EEFSEC: variants seen among roughly 807,000 people sequenced by gnomAD.
EEFSEC encodes eukaryotic elongation factor, selenocysteine-tRNA specific.
In EEFSEC, 43 loss-of-function variants were observed where a neutral mutation model predicts 42.1. The observed-to-expected ratio is 1.02, with a 90% confidence interval of 0.80 to 1.32. EEFSEC has a LOEUF of 1.32. Among genes scored for constraint, EEFSEC ranks in the 40% most tolerant of loss-of-function variants. The probability of loss-of-function intolerance (pLI) is 0.00; values close to 1 mark genes in which losing one functional copy is unlikely to be tolerated. For synonymous variants in EEFSEC, 354 were observed against 339.1 expected (o/e 1.04, Z -0.48); for missense variants, 745 against 803.6 (o/e 0.93, Z 0.88).
intron 4 of EEFSEC, among the ~76,000 whole-genome samples, chr3:128,328,084 C>T (rs1167972242): frequency 6.6e-6 from 1 of 152,204 alleles, no homozygotes; most frequent in African/African-American, 2.4e-5. Flanking sequence ...TCAATTTTCA[C>T]AGAATCCCTG....
intron 2 of EEFSEC, among the ~76,000 whole-genome samples, chr3:128,259,751 A>G (rs2066279219): frequency 6.6e-6 from 1 of 152,096 alleles, no homozygotes; most frequent in South Asian, 2.1e-4. Context: ...ACAATATGCA[A>G]CCTTTTGTGT....
At chr3:128,212,113 G>C (rs1431601860) in intron 1 of EEFSEC, among the ~76,000 whole-genome samples, 1 of 150,674 alleles carries the variant, frequency 6.6e-6, no homozygotes, top group African/African-American at 2.4e-5. Flanking sequence ...TGCCTGCCTC[G>C]GCCTCCCAAA....
intron 4 of EEFSEC, among the ~76,000 whole-genome samples, chr3:128,306,915 C>T (rs972137033): frequency 2.0e-5 from 3 of 152,254 alleles, no homozygotes; most frequent in Non-Finnish European, 2.9e-5. Flanking sequence ...ACGGCAGCAT[C>T]GCACCATGGG....
At chr3:128,390,155 G>A (rs2067890950) in intron 6 of EEFSEC, among the ~76,000 whole-genome samples, 1 of 152,198 alleles carries the variant, frequency 6.6e-6, no homozygotes, top group Non-Finnish European at 1.5e-5. Context: ...GTTTCTCCTG[G>A]ATATAATTTA....
chr3:128,227,233 G>A (rs1271316838), intron 1 of EEFSEC, among the ~76,000 whole-genome samples: 1 of 152,208 alleles, frequency 6.6e-6, no homozygotes, highest in Non-Finnish European at 1.5e-5. Flanking sequence ...TGGCAGCTGA[G>A]CCCATATGCT....
chr3:128,336,469 G>T (rs2067190567), intron 4 of EEFSEC, among the ~76,000 whole-genome samples: 1 of 152,130 alleles, frequency 6.6e-6, no homozygotes, highest in Non-Finnish European at 1.5e-5. Context: ...GTGGCTTCCT[G>T]GTGCTTTGTC....
chr3:128,198,120 A>G (rs1335141762), intron 1 of EEFSEC, among the ~76,000 whole-genome samples: 1 of 152,076 alleles, frequency 6.6e-6, no homozygotes, highest in African/African-American at 2.4e-5. Context: ...TGTAGCCCTG[A>G]GTGATGTTGT....
intron 2 of EEFSEC, among the ~76,000 whole-genome samples, chr3:128,253,365 CTCT>C (rs1408074207): frequency 6.6e-6 from 1 of 152,148 alleles, no homozygotes; most frequent in Non-Finnish European, 1.5e-5. Context: ...TCCTACCCAT[CTCT>C]TTCTCCTATG....
At chr3:128,189,263 C>T (rs1313230206) in intron 1 of EEFSEC, among the ~76,000 whole-genome samples, 1 of 152,182 alleles carries the variant, frequency 6.6e-6, no homozygotes, top group Non-Finnish European at 1.5e-5. Flanking sequence ...ACTCCATTCA[C>T]ACAATGCATA....
At chr3:128,263,547 A>G (rs367934386) in intron 3 of EEFSEC, among the ~76,000 whole-genome samples, 84 of 152,380 alleles carry the variant, frequency 5.5e-4, no homozygotes, top group African/African-American at 1.9e-3. Context: ...GAAATCCTCA[A>G]AAATGCTGCT....
Position 128,263,017 on chromosome 3 carries a change from C to A in EEFSEC, c.621+793C>A, listed in dbSNP as rs2066314821. Among the ~76,000 whole-genome samples, 3 of 152,166 alleles carry A rather than the reference C, an allele frequency of 2.0e-5. No individual in the cohort carries two copies. The South Asian group carries it at 6.2e-4, about 32-fold the overall frequency. On this transcript the variant is annotated intron_variant, in intron 3 of 6. Transcript: ENST00000254730. ...CTACTCTTTCTTGCCTCAGTTCCTTCACTTGGAAGATAATAGCACATACCT... is the reference window on the plus strand; with the variant it reads ...CTACTCTTTCTTGCCTCAGTTCCTTAACTTGGAAGATAATAGCACATACCT...
intron 2 of EEFSEC, among the ~76,000 whole-genome samples, chr3:128,257,114 C>G (rs892188263): frequency 6.6e-6 from 1 of 152,072 alleles, no homozygotes. Flanking sequence ...AGCGTGTAGG[C>G]TCCAGTTGCA....
chr3:128,396,780 G>C (rs1299700440), intron 6 of EEFSEC, among the ~76,000 whole-genome samples: 1 of 152,250 alleles, frequency 6.6e-6, no homozygotes, highest in Non-Finnish European at 1.5e-5. Flanking sequence ...CATGTGGAAT[G>C]GTGCCTAGCC....
intron 6 of EEFSEC, among the ~76,000 whole-genome samples, chr3:128,383,170 C>T (rs946712715): frequency 6.6e-6 from 1 of 152,240 alleles, no homozygotes; most frequent in African/African-American, 2.4e-5. Flanking sequence ...TGTCTCTTTG[C>T]TGTACTGCCT....
intron 6 of EEFSEC, among the ~76,000 whole-genome samples, chr3:128,400,290 G>T (rs893946608): frequency 6.6e-6 from 1 of 152,212 alleles, no homozygotes; most frequent in Admixed American, 6.5e-5. Context: ...GAGGGACAGG[G>T]CTCCACCCCA....
At chr3:128,253,483 A>T (rs1190727833) in intron 2 of EEFSEC, among the ~76,000 whole-genome samples, 1 of 152,136 alleles carries the variant, frequency 6.6e-6, no homozygotes, top group Non-Finnish European at 1.5e-5. Context: ...CTGCCCATGG[A>T]CTATTGAGAT....
At chr3:128,227,497 A>C (rs1236904621) in intron 1 of EEFSEC, among the ~76,000 whole-genome samples, 1 of 152,152 alleles carries the variant, frequency 6.6e-6, no homozygotes, top group Admixed American at 6.5e-5. Flanking sequence ...AGGGTTAGTC[A>C]AGAATGTCCT....
intron 4 of EEFSEC, among the ~76,000 whole-genome samples, chr3:128,331,258 T>C (rs2067128488): frequency 4.7e-5 from 1 of 21,190 alleles, no homozygotes; most frequent in East Asian, 1.7e-3. Context: ...CTTCCCCCCT[T>C]CCTCAGTACA....
At chr3:128,396,472 T>C (rs1184637335) in intron 6 of EEFSEC, among the ~76,000 whole-genome samples, 1 of 152,192 alleles carries the variant, frequency 6.6e-6, no homozygotes, top group Non-Finnish European at 1.5e-5. Flanking sequence ...TTTCTGATCC[T>C]TCCTACCCCA....
Sources: allele counts gnomAD v4.1 joint callset (sites outside exome capture counted in the v4.1 genomes callset), GRCh38; gene constraint gnomAD v4.1.1; transcripts MANE v1.5; gene names NCBI Gene and HGNC (gene_info 2026-07-23, HGNC 2026-07-21).